The following FRMD4B variants were observed in gnomAD, a reference collection of about 807,000 sequenced individuals.
FRMD4B encodes the protein FERM domain containing 4B.
In FRMD4B, 74 loss-of-function variants were observed where a neutral mutation model predicts 141.5. That is an observed-to-expected ratio of 0.52 (90% CI 0.43 to 0.63). The LOEUF (loss-of-function observed/expected upper bound fraction) is 0.63, where lower values mean the gene tolerates loss of function less well. Among genes scored for constraint, FRMD4B ranks in the 30% least tolerant of loss-of-function variants. FRMD4B has a pLI of 0.00. For missense variants in FRMD4B, 1,366 were observed against 1,253.4 expected, an observed-to-expected ratio of 1.09 and a Z score of -1.36; for synonymous variants, 506 against 467.9, an observed-to-expected ratio of 1.08 and a Z score of -1.05.
chr3:69,289,378 C>T (rs542241992), intron 4 of FRMD4B, among the ~76,000 whole-genome samples: 2 of 152,306 alleles, frequency 1.3e-5, no homozygotes, highest in South Asian at 4.1e-4. Flanking sequence ...ACAATCAAGT[C>T]TTACTTCCCT....
At chr3:69,284,219 C>A (rs1308199622) in intron 5 of FRMD4B, among the ~76,000 whole-genome samples, 1 of 151,974 alleles carries the variant, frequency 6.6e-6, no homozygotes, top group Non-Finnish European at 1.5e-5. Context: ...GAACAGTCTG[C>A]CAGAGAAAAG....
At chr3:69,377,328 C>A (rs1703997263) in intron 1 of FRMD4B, among the ~76,000 whole-genome samples, 1 of 152,096 alleles carries the variant, frequency 6.6e-6, no homozygotes, top group South Asian at 2.1e-4. Flanking sequence ...CTGTTGTGGT[C>A]CAATCCCTTG....
intron 22 of FRMD4B, among the ~76,000 whole-genome samples, chr3:69,175,769 C>CTTTTTT (rs141059202): frequency 2.3e-5 from 2 of 88,112 alleles, no homozygotes; most frequent in African/African-American, 7.5e-5. Flanking sequence ...CTTTTCTTCT[C>CTTTTTT]TTTTTTTTTT....
chr3:69,354,627 A>G (rs1429803713), intron 1 of FRMD4B, among the ~76,000 whole-genome samples: 2 of 152,194 alleles, frequency 1.3e-5, no homozygotes, highest in African/African-American at 4.8e-5. Context: ...GGAAATTAAA[A>G]GAGATAGTTC....
At chr3:69,513,588 T>G (rs987580565) in intron 1 of FRMD4B, among the ~76,000 whole-genome samples, 2 of 152,088 alleles carry the variant, frequency 1.3e-5, no homozygotes, top group African/African-American at 2.4e-5. Flanking sequence ...AAGCCAAAGA[T>G]GCTACAAGAA....
chr3:69,358,462 C>T (rs565012110), intron 1 of FRMD4B, among the ~76,000 whole-genome samples: 4 of 152,070 alleles, frequency 2.6e-5, no homozygotes, highest in Admixed American at 1.3e-4. Flanking sequence ...TGGCCAGATC[C>T]GGGGGGCACA....
At chr3:69,273,446 T>C (rs764232587) in intron 5 of FRMD4B, among the ~76,000 whole-genome samples, 13 of 152,304 alleles carry the variant, frequency 8.5e-5, no homozygotes, top group East Asian at 7.7e-4. Context: ...AATGCTGAAA[T>C]TGTATTCTGA....
intron 4 of FRMD4B, among the ~76,000 whole-genome samples, chr3:69,298,550 A>G (rs1420600218): frequency 2.6e-5 from 4 of 151,940 alleles, no homozygotes; most frequent in Non-Finnish European, 5.9e-5. Flanking sequence ...CCCCATGCCA[A>G]CTCCTACTCA....
chr3:69,213,259 T>C (rs1300063064), intron 11 of FRMD4B, among the ~76,000 whole-genome samples: 1 of 151,988 alleles, frequency 6.6e-6, no homozygotes, highest in Non-Finnish European at 1.5e-5. Context: ...TTGCTGGTTG[T>C]CATGGAGGAA....
chr3:69,236,996 G>A (rs148087769), intron 7 of FRMD4B, among the ~76,000 whole-genome samples: 8 of 152,306 alleles, frequency 5.3e-5, no homozygotes, highest in African/African-American at 1.7e-4. Context: ...ACTTAAAAGA[G>A]AGCAGCTCCA....
intron 1 of FRMD4B, among the ~76,000 whole-genome samples, chr3:69,447,913 A>C (rs963779695): frequency 1.3e-5 from 2 of 151,974 alleles, no homozygotes; most frequent in African/African-American, 2.4e-5. Context: ...ATAGTATTCT[A>C]TTGTATGGCT....
chr3:69,345,298 C>T (rs1328902225), intron 1 of FRMD4B, among the ~76,000 whole-genome samples: 8 of 152,260 alleles, frequency 5.3e-5, no homozygotes, highest in East Asian at 3.9e-4. Flanking sequence ...TAGGGGTACC[C>T]GCCATTGCTG....
At chr3:69,390,498 C>G (rs1425158767), upstream of FRMD4B, among the ~76,000 whole-genome samples, 2 of 152,110 alleles carry the variant, frequency 1.3e-5, no homozygotes, top group Non-Finnish European at 2.9e-5. Context: ...GCCAGGGATG[C>G]CGCTAAACAT....
In FRMD4B at chr3:69,320,364, A is replaced by G. The variant is rs545641845; in HGVS notation, c.163-6847T>C. ...TCTCAACACCTTGGGAGGCTGAGGC[A>G]GGAGCATTGTTTGAGCCCAGGAGTT... On this transcript the variant is annotated intron_variant, in intron 1 of 22. Coordinates refer to ENST00000398540, the MANE Select transcript of FRMD4B (RefSeq NM_015123.3). 7.9e-5 allele frequency among the ~76,000 whole-genome samples: 12 copies of G among 152,284 alleles called. No homozygotes were observed. In the South Asian group the frequency reaches 2.5e-3, roughly 32 times the overall value.
chr3:69,356,252 G>GAA (rs1703319242), intron 1 of FRMD4B, among the ~76,000 whole-genome samples: 1 of 152,112 alleles, frequency 6.6e-6, no homozygotes, highest in Non-Finnish European at 1.5e-5. Context: ...TGCCTCTGAG[G>GAA]GTATTGCCAA....
intron 1 of FRMD4B, among the ~76,000 whole-genome samples, chr3:69,384,217 A>G (rs887069560): frequency 1.3e-5 from 2 of 152,352 alleles, no homozygotes; most frequent in South Asian, 2.1e-4. Flanking sequence ...TCAAATTGCT[A>G]TTCTGCATAA....
intron 2 of FRMD4B, among the ~76,000 whole-genome samples, chr3:69,402,804 T>G (rs1704588292): frequency 6.6e-6 from 1 of 152,124 alleles, no homozygotes; most frequent in Non-Finnish European, 1.5e-5. Context: ...CCTCAATACA[T>G]TAGTCAGATT....
At chr3:69,278,464 T>C (rs2106980653) in intron 5 of FRMD4B, among the ~76,000 whole-genome samples, 1 of 151,750 alleles carries the variant, frequency 6.6e-6, no homozygotes, top group Admixed American at 6.6e-5. Context: ...TTATTGGCTA[T>C]TTTAAAAATT....
chr3:69,218,329 G>T lies in FRMD4B; in HGVS notation c.782C>A (p.Ala261Glu). The change falls in exon 10 of 23, where the codon GCA (alanine) becomes GAA (glutamate). Residue 261 changes from alanine to glutamate, a missense_variant. Transcript: ENST00000398540. ...ALPTYGVHYY[A>E]VKDKQGLPWW... ...TCATGTAAAATTACTTACCTTTACT[G>T]CATAATAATGGACACCGTAAGTCGG... The T allele has an allele frequency of 6.7e-7, 1 of 1,488,416 alleles. No individual in the cohort carries two copies. The highest frequency in any genetic ancestry group is 9.3e-7 in the Non-Finnish European group (1 of 1,071,464). The allele number at this position is 1,488,416 out of a possible 1,614,324, so 92.2% of individuals were successfully genotyped here.
Sources: gnomAD v4.1 joint callset for allele counts (sites outside exome capture counted in the v4.1 genomes callset) on GRCh38, gnomAD v4.1.1 for gene constraint, MANE v1.5 for transcripts, NCBI Gene and HGNC (gene_info 2026-07-23, HGNC 2026-07-21) for gene names.